ABHD3: variants seen among roughly 807,000 people sequenced by gnomAD.
The protein encoded by ABHD3 is phospholipase ABHD3.
ABHD3 carries 46 observed loss-of-function variants against 48.8 expected under a neutral mutation model. The observed-to-expected ratio is 0.94, with a 90% CI of 0.74 to 1.20. The LOEUF is 1.20. Ranked by LOEUF, ABHD3 falls within the 50% of genes most tolerant of loss-of-function variation. The pLI is 0.00. For missense variants in ABHD3, 490 were observed against 497.8 expected (o/e 0.98, Z 0.15); for synonymous variants, 192 against 183.7 (o/e 1.04, Z -0.36).
At chr18:21,686,427 T>C (rs2040130202) in intron 3 of ABHD3, among the ~76,000 whole-genome samples, 1 of 152,224 alleles carries the variant, frequency 6.6e-6, no homozygotes, top group Non-Finnish European at 1.5e-5. Context: ...GATGTCATCA[T>C]GTGACTGCCA....
At position 21,704,647 on chromosome 18, in the gene ABHD3, C is replaced by A; in HGVS notation, c.19G>T (p.Asp7Tyr). Residue 7 changes from aspartate (D) to tyrosine (Y), a missense_variant, in exon 1 of 9, where the codon GAC (aspartate) becomes TAC (tyrosine). Physicochemically the swap from Asp to Tyr is radical, Grantham distance 160. Transcript: ENST00000289119. The stretch of plus-strand genomic sequence containing the variant: ...AGCTCCCGGGACAACATCCGCAGGT[C>A]CATGGCCAGGCGCTGCATGGCCCCC... Reference protein sequence around the residue: MQRLAMDLRMLSRELSL... With the variant: MQRLAMYLRMLSRELSL... 6.5e-7 allele frequency: 1 copy of A among 1,532,746 alleles called. No individual in the cohort carries two copies. Among genetic ancestry groups the A allele is most frequent in the Non-Finnish European group, 8.7e-7 (1 of 1,142,878 alleles). 94.9% of individuals were successfully genotyped at this position (1,532,746 alleles called of 1,614,324 possible). A position where few individuals can be genotyped will look rare whatever the true frequency, so the allele number is the denominator to read the frequency against.
At chr18:21,675,043 C>A (rs1190296249) in intron 4 of ABHD3, among the ~76,000 whole-genome samples, 1 of 151,978 alleles carries the variant, frequency 6.6e-6, no homozygotes, top group Non-Finnish European at 1.5e-5. Context: ...AGTCCTTAAC[C>A]CCAAAGAATC....
chr18:21,662,899 C>A (rs1054803833), intron 5 of ABHD3, among the ~76,000 whole-genome samples: 1 of 152,132 alleles, frequency 6.6e-6, no homozygotes, highest in African/African-American at 2.4e-5. Context: ...AAAAGCCATG[C>A]GTTTATATGA....
At chr18:21,695,274 C>T (rs951429507) in intron 3 of ABHD3, among the ~76,000 whole-genome samples, 1 of 152,210 alleles carries the variant, frequency 6.6e-6, no homozygotes, top group East Asian at 1.9e-4. Context: ...AAGTGATCCG[C>T]CTGCCTTAGC....
intron 6 of ABHD3, among the ~76,000 whole-genome samples, chr18:21,657,925 G>T (rs1305466710): frequency 1.3e-5 from 2 of 151,880 alleles, no homozygotes; most frequent in Non-Finnish European, 1.5e-5. Context: ...TCTGCTGGGC[G>T]GGGGGCTCAC....
intron 8 of ABHD3, among the ~76,000 whole-genome samples, chr18:21,656,444 C>T (rs147041852): frequency 6.6e-6 from 1 of 152,252 alleles, no homozygotes; most frequent in East Asian, 1.9e-4. Context: ...ATATTCAAAG[C>T]CACTGTGTTT....
intron 5 of ABHD3, among the ~76,000 whole-genome samples, chr18:21,661,308 A>C (rs555722314): frequency 2.4e-4 from 37 of 152,244 alleles, no homozygotes; most frequent in Non-Finnish European, 1.9e-4. Context: ...GTGTAATAAC[A>C]GTAATATGGT....
rs961890600 is a variant in ABHD3, at chr18:21,661,103, A to T, written c.669-1760T>A. On this transcript the variant is annotated intron_variant, in intron 5 of 8. Transcript: ENST00000289119. ...CACCAAAAGAAAAAAACTACAAGCT[A>T]AAAAAAAAAAAAAAAAAAAAAAAGA... Among the ~76,000 whole-genome samples, 20 of 43,510 alleles carry T rather than the reference A, an allele frequency of 4.6e-4. No individual in the cohort carries two copies. The Admixed American group carries it at 5.3e-3, about 11-fold the overall frequency. The allele number at this position is 43,510 out of a possible 152,430, so 28.5% of individuals were successfully genotyped here. A position where few individuals can be genotyped will look rare whatever the true frequency, so the allele number is the denominator to read the frequency against.
chr18:21,701,002 TG>T (rs1248446229), intron 3 of ABHD3, among the ~76,000 whole-genome samples: 1 of 148,018 alleles, frequency 6.8e-6, no homozygotes, highest in African/African-American at 2.5e-5. Context: ...TCTAACTGTA[TG>T]GTGCTTAAAC....
At chr18:21,689,095 CAAT>C (rs1452852923) in intron 3 of ABHD3, among the ~76,000 whole-genome samples, 2 of 152,056 alleles carry the variant, frequency 1.3e-5, no homozygotes, top group Non-Finnish European at 2.9e-5. Flanking sequence ...TAGAGAACAA[CAAT>C]GACAACAAAA....
chr18:21,694,347 T>C (rs1344389926), intron 3 of ABHD3, among the ~76,000 whole-genome samples: 1 of 152,220 alleles, frequency 6.6e-6, no homozygotes, highest in African/African-American at 2.4e-5. Flanking sequence ...TCCGCCGGCC[T>C]TGGCCTCCCA....
intron 3 of ABHD3, among the ~76,000 whole-genome samples, chr18:21,694,177 C>T (rs1160816559): frequency 2.6e-5 from 4 of 152,060 alleles, no homozygotes; most frequent in Non-Finnish European, 5.9e-5. Flanking sequence ...GGCACAATCT[C>T]GGCTCACTGC....
intron 4 of ABHD3, among the ~76,000 whole-genome samples, chr18:21,668,225 GAA>G (rs2039681889): frequency 3.8e-5 from 4 of 106,166 alleles, no homozygotes; most frequent in Non-Finnish European, 1.8e-5. Context: ...AAAAAAGAAA[GAA>G]AAAGAAAAGA....
intron 3 of ABHD3, among the ~76,000 whole-genome samples, chr18:21,684,993 G>A (rs902776043): frequency 1.3e-5 from 2 of 152,182 alleles, no homozygotes; most frequent in Non-Finnish European, 2.9e-5. Flanking sequence ...AGTAATAATG[G>A]TAGTTGTAGT....
In ABHD3 at chr18:21,656,923, T is replaced by C. The variant is rs1023577853; in HGVS notation, c.995A>G (p.Lys332Arg). Residue 332 changes from lysine to arginine, a missense_variant, in exon 8 of 9, where the codon AAG becomes AGG. Coordinates refer to ENST00000289119, the MANE Select transcript of ABHD3 (RefSeq NM_138340.5). ...YTDASPSPRL[K>R]SVGIPVLCLN... ...ACACAATACTGGAATTCCTACTGAC[T>C]TCAGTCTAGGACTCGGACTGGCATC... 1.1e-5 allele frequency: 18 copies of C among 1,613,754 alleles called. No individual in the cohort carries two copies. The highest frequency in any genetic ancestry group is 1.5e-5 in the Non-Finnish European group (18 of 1,179,798).
At chr18:21,669,456 C>G (rs1158085390) in intron 4 of ABHD3, among the ~76,000 whole-genome samples, 1 of 152,112 alleles carries the variant, frequency 6.6e-6, no homozygotes, top group East Asian at 1.9e-4. Flanking sequence ...AGGCTTGTAT[C>G]TGCTTATTTT....
chr18:21,656,878 A>G lies in ABHD3; in HGVS notation c.1040T>C (p.Val347Ala). The G allele has an allele frequency of 6.3e-7, 1 of 1,598,926 alleles. No homozygotes were observed. The highest frequency in any genetic ancestry group is 8.5e-7 in the Non-Finnish European group (1 of 1,169,778). ...AATTTTACCATGACTGGGTGAGAAA[A>G]CATCATCCACAGAATTTAGACACAA... ...PVLCLNSVDDVFSPSHAIPIE... is the reference protein window; with the variant it reads ...PVLCLNSVDDAFSPSHAIPIE... Residue 347 changes from valine to alanine, a missense_variant, in exon 8 of 9, where the codon GTT becomes GCT. Transcript: ENST00000289119.
At chr18:21,697,676 T>C (rs1193647879) in intron 3 of ABHD3, among the ~76,000 whole-genome samples, 1 of 152,200 alleles carries the variant, frequency 6.6e-6, no homozygotes, top group Non-Finnish European at 1.5e-5. Flanking sequence ...CCACCATGCC[T>C]AGCCTCATTC....
chr18:21,652,240 C>T (rs1005903415), intron 8 of ABHD3, among the ~76,000 whole-genome samples: 5 of 152,090 alleles, frequency 3.3e-5, no homozygotes, highest in African/African-American at 1.2e-4. Context: ...TGCTTGTAAT[C>T]CTAGCACTTT....
Sources: gnomAD v4.1 joint callset for allele counts (sites outside exome capture counted in the v4.1 genomes callset) on GRCh38, gnomAD v4.1.1 for gene constraint, MANE v1.5 for transcripts, NCBI Gene and HGNC (gene_info 2026-07-23, HGNC 2026-07-21) for gene names.